ZNF462: variants seen among roughly 807,000 people sequenced by gnomAD.
ZNF462 encodes zinc finger PBX1-interacting protein.
In ZNF462, 10 loss-of-function variants were observed where a neutral mutation model predicts 201.9. The observed-to-expected ratio is 0.05, with a 90% CI of 0.03 to 0.08. The LOEUF is 0.08. Among genes scored for constraint, ZNF462 ranks in the 10% least tolerant of loss-of-function variants. ZNF462 has a pLI of 1.00. For missense variants in ZNF462, 2,523 were observed against 3,168.3 expected (o/e 0.80, Z 4.89); for synonymous variants, 1,227 against 1,193.3 (o/e 1.03, Z -0.58).
intron 1 of ZNF462, among the ~76,000 whole-genome samples, chr9:106,916,654 T>C (rs1281783231): frequency 6.6e-6 from 1 of 152,180 alleles, no homozygotes; most frequent in East Asian, 1.9e-4. Context: ...GGTGAACCCA[T>C]GACATTTCAG....
intron 10 of ZNF462, among the ~76,000 whole-genome samples, chr9:106,991,983 T>G (rs1011137405): frequency 1.3e-5 from 2 of 151,538 alleles, no homozygotes; most frequent in South Asian, 2.1e-4. Context: ...GGAAAAAAAT[T>G]TTTATATATG....
At position 106,993,756 on chromosome 9, in the gene ZNF462, C is replaced by A. The variant is rs1554717228; in HGVS notation, c.7056+9347C>A. Among the ~76,000 whole-genome samples the A allele has an allele frequency of 6.6e-6, 1 of 151,708 alleles. No homozygotes were observed. Among genetic ancestry groups the A allele is most frequent in the East Asian group, 1.9e-4 (1 of 5,152 alleles). ...TTGAAAGATGAAGACAACATTTTTT[C>A]TTTTTTGAGTCAGGGTCTTGCTCTG... On this transcript the variant is annotated intron_variant, in intron 10 of 12. Coordinates refer to ENST00000277225, the MANE Select transcript of ZNF462 (RefSeq NM_021224.6). The surrounding 1 kb of genome is among the most constrained non-coding windows in gnomAD (Gnocchi z 4.0).
Position 106,972,111 on chromosome 9 carries a change from G to A in ZNF462, c.6534G>A (p.Gly2178=), listed in dbSNP as rs1303169325. The stretch of plus-strand genomic sequence containing the variant: ...GTGTTAGCCCTGTGCCTCTTTCTGG[G>A]GCTGCTGCTGGCACTGAGCAGAAAA... The part of the protein sequence containing the change: ...NSRVSPVPLS[G]AAAGTEQKTE... Residue 2178 remains glycine, a synonymous_variant, in exon 8 of 13, where the codon GGG becomes GGA. Transcript: ENST00000277225. This position sits in a 1 kb window ranked among gnomAD's most constrained non-coding sequence, Gnocchi z 4.8. 6.2e-7 allele frequency: 1 copy of A among 1,614,152 alleles called. No homozygotes were observed. The highest frequency in any genetic ancestry group is 8.5e-7 in the Non-Finnish European group (1 of 1,180,028).
Position 106,924,398 on chromosome 9 carries a change from C to T in ZNF462, c.486C>T (p.Phe162=), listed in dbSNP as rs1027286454. The T allele has an allele frequency of 5.0e-6, 8 of 1,614,206 alleles. No homozygotes were observed. The highest frequency in any genetic ancestry group is 6.8e-6 in the Non-Finnish European group (8 of 1,180,036). Residue 162 remains phenylalanine (F), a synonymous_variant, in exon 3 of 13, where the codon TTC becomes TTT. Coordinates refer to ENST00000277225, the MANE Select transcript of ZNF462 (RefSeq NM_021224.6). The surrounding 1 kb of genome is among the most constrained non-coding windows in gnomAD (Gnocchi z 6.2). ...TGCACGAGGGATTTGGAAAGGTCTT[C>T]TCTTGCCAGTTTTGCACATACAAGT... ...IMMHEGFGKV[F]SCQFCTYKSP... is the part of the protein sequence containing the mutation.
In ZNF462 at chr9:107,005,686, A is replaced by T. The variant is rs781250295; in HGVS notation, c.7189+2260A>T. ...GGCTGTGCAGAAGCTGTTTAGTTTG[A>T]TGTAATTCTGTTTATCTGTTTTTGC... is the stretch of plus-strand genomic sequence containing the variant. On this transcript the variant is annotated intron_variant, in intron 11 of 12. Transcript: ENST00000277225. The surrounding 1 kb of genome is among the most constrained non-coding windows in gnomAD (Gnocchi z 4.4). 8.5e-5 allele frequency among the ~76,000 whole-genome samples: 13 copies of T among 152,068 alleles called. No homozygotes were observed. Among genetic ancestry groups the T allele is most frequent in the Admixed American group, 6.5e-4 (10 of 15,270 alleles).
chr9:106,894,843 G>A (rs1454707984), intron 1 of ZNF462, among the ~76,000 whole-genome samples: 1 of 152,138 alleles, frequency 6.6e-6, no homozygotes, highest in Non-Finnish European at 1.5e-5. Flanking sequence ...GATAAATATT[G>A]TAAGTTTTCT....
intron 10 of ZNF462, among the ~76,000 whole-genome samples, chr9:106,995,175 G>C (rs1828611498): frequency 6.6e-6 from 1 of 152,084 alleles, no homozygotes; most frequent in African/African-American, 2.4e-5. Flanking sequence ...ACTTGTGTCT[G>C]AAGTTATGCT....
At chr9:106,904,642 T>C (rs1286572844) in intron 1 of ZNF462, among the ~76,000 whole-genome samples, 1 of 152,224 alleles carries the variant, frequency 6.6e-6, no homozygotes, top group Non-Finnish European at 1.5e-5. Context: ...TTCTTTTTCT[T>C]TGTCTTTGTT....
Position 106,917,732 on chromosome 9 carries a change from T to C in ZNF462, c.-30-5622T>C, listed in dbSNP as rs1401614983. The stretch of plus-strand genomic sequence containing the variant: ...AAGTATAAACATTTGATAGGTCATT[T>C]GAAGACTACATGGTGAGCCAGAATC... On this transcript the variant is annotated intron_variant, in intron 1 of 12. Coordinates refer to ENST00000277225, the MANE Select transcript of ZNF462 (RefSeq NM_021224.6). The surrounding 1 kb of genome is among the most constrained non-coding windows in gnomAD (Gnocchi z 4.5). 1.3e-5 allele frequency among the ~76,000 whole-genome samples: 2 copies of C among 152,310 alleles called. No homozygotes were observed. The highest frequency in any genetic ancestry group is 3.9e-4 in the East Asian group (2 of 5,186).
intron 7 of ZNF462, among the ~76,000 whole-genome samples, chr9:106,959,617 G>A (rs1359257216): frequency 6.6e-6 from 1 of 152,108 alleles, no homozygotes; most frequent in Non-Finnish European, 1.5e-5. Context: ...TGCAGACCTA[G>A]AAGGAGGCTC....
At chr9:106,907,726 T>C (rs1460091849) in intron 1 of ZNF462, among the ~76,000 whole-genome samples, 1 of 152,046 alleles carries the variant, frequency 6.6e-6, no homozygotes, top group Non-Finnish European at 1.5e-5. Context: ...ATTCCTGAGT[T>C]TGTTTTTAAT....
At position 106,902,330 on chromosome 9, in the gene ZNF462, T is replaced by C. The variant is rs1829097757; in HGVS notation, c.-30-21024T>C. Among the ~76,000 whole-genome samples the C allele has an allele frequency of 6.6e-6, 1 of 152,208 alleles. No individual in the cohort carries two copies. The highest frequency in any genetic ancestry group is 2.1e-4 in the South Asian group (1 of 4,826). On this transcript the variant is annotated intron_variant, in intron 1 of 12. Transcript: ENST00000277225. This position sits in a 1 kb window ranked among gnomAD's most constrained non-coding sequence, Gnocchi z 4.2. ...TGTTGAATTTGGTTAGCTAGTATTTTGTTAAGGATTTTAGCATCTATATTC... is the reference window on the plus strand; with the variant it reads ...TGTTGAATTTGGTTAGCTAGTATTTCGTTAAGGATTTTAGCATCTATATTC...
intron 10 of ZNF462, chr9:106,995,754 G>A (rs562180118): frequency 5.3e-5 from 8 of 152,248 alleles, no homozygotes; most frequent in South Asian, 4.2e-4. Context: ...TTTAGAAAGT[G>A]CCTACTTTTA....
intron 1 of ZNF462, among the ~76,000 whole-genome samples, chr9:106,884,345 A>G (rs1475756494): frequency 6.6e-6 from 1 of 152,136 alleles, no homozygotes; most frequent in Non-Finnish European, 1.5e-5. Context: ...TCAGAACTTG[A>G]TATTTGTGGC....
In ZNF462 at chr9:106,974,440, A is replaced by C. The variant is rs1826846380; in HGVS notation, c.6832+167A>C. 4.0e-6 allele frequency: 4 copies of C among 994,316 alleles called. No individual in the cohort carries two copies. Among genetic ancestry groups the C allele is most frequent in the Non-Finnish European group, 6.3e-6 (4 of 631,762 alleles). The allele number at this position is 994,316 out of a possible 1,614,324, so 61.6% of individuals were successfully genotyped here. A position where few individuals can be genotyped will look rare whatever the true frequency, so the allele number is the denominator to read the frequency against. On this transcript the variant is annotated intron_variant, in intron 9 of 12. Coordinates refer to ENST00000277225, the MANE Select transcript of ZNF462 (RefSeq NM_021224.6). This position sits in a 1 kb window ranked among gnomAD's most constrained non-coding sequence, Gnocchi z 4.0. The stretch of plus-strand genomic sequence containing the variant: ...CCACAGTGACAGCCAAAAGGGCAAA[A>C]ACACCTTCCTGCTGGGAGTATTTCC...
intron 1 of ZNF462, among the ~76,000 whole-genome samples, chr9:106,884,634 A>T (rs1828241685): frequency 6.6e-6 from 1 of 152,190 alleles, no homozygotes; most frequent in Non-Finnish European, 1.5e-5. Flanking sequence ...ATTTTTTCAT[A>T]TTAATATATT....
chr9:106,882,251 A>G (rs2130947146), intron 1 of ZNF462, among the ~76,000 whole-genome samples: 1 of 152,350 alleles, frequency 6.6e-6, no homozygotes, highest in South Asian at 2.1e-4. Context: ...CTTGCTCACT[A>G]GTGCCTTGAG....
chr9:106,890,706 C>G lies in ZNF462; in HGVS notation c.-31+27351C>G, dbSNP rs1451124629. The stretch of plus-strand genomic sequence containing the variant: ...TGGAATTTTGGAGGTCATTCCCTGC[C>G]TTTGTCCTCTGCTCTAAGGCTCATG... On this transcript the variant is annotated intron_variant, in intron 1 of 12. Transcript: ENST00000277225. This position sits in a 1 kb window ranked among gnomAD's most constrained non-coding sequence, Gnocchi z 4.2. 6.6e-6 allele frequency among the ~76,000 whole-genome samples: 1 copy of G among 152,182 alleles called. No homozygotes were observed. Among genetic ancestry groups the G allele is most frequent in the African/African-American group, 2.4e-5 (1 of 41,440 alleles).
chr9:106,923,092 C>G lies in ZNF462; in HGVS notation c.-30-262C>G, dbSNP rs1830051094. Among the ~76,000 whole-genome samples, 3 of 152,202 alleles carry G rather than the reference C, an allele frequency of 2.0e-5. No individual in the cohort carries two copies. On this transcript the variant is annotated intron_variant, in intron 1 of 12. Transcript: ENST00000277225. The surrounding 1 kb of genome is among the most constrained non-coding windows in gnomAD (Gnocchi z 5.6). ...AAAACTTTTGAAGTATTAAGCGTTT[C>G]CTTGACAAATGGCATTGGAAGACAT...
Sources: gnomAD v4.1 joint callset for allele counts (sites outside exome capture counted in the v4.1 genomes callset) on GRCh38, gnomAD v4.1.1 for gene constraint, Gnocchi (gnomAD v3.1) non-coding constraint, MANE v1.5 for transcripts, NCBI Gene and HGNC (gene_info 2026-07-23, HGNC 2026-07-21) for gene names.